EREG: variants seen among roughly 807,000 people sequenced by gnomAD.
EREG encodes the protein epiregulin.
In EREG, 23 loss-of-function variants were observed where a neutral mutation model predicts 22.4. That is an observed-to-expected ratio of 1.03 (90% CI 0.74 to 1.46). The LOEUF (loss-of-function observed/expected upper bound fraction) is 1.46, where lower values mean the gene tolerates loss of function less well. Among genes scored for constraint, EREG ranks in the 40% most tolerant of loss-of-function variants. The pLI is 0.00. For synonymous variants in EREG, 100 were observed against 75.4 expected (o/e 1.33, Z -1.69); for missense variants, 226 against 205.9 (o/e 1.10, Z -0.60).
At chr4:74,373,704 A>G (rs1040146977) in intron 1 of EREG, among the ~76,000 whole-genome samples, 2 of 148,278 alleles carry the variant, frequency 1.3e-5, no homozygotes, top group Non-Finnish European at 3.0e-5. Flanking sequence ...TTATAAGTAT[A>G]TATGTATGTA....
At chr4:74,383,657 A>AC (rs1438068698) in intron 4 of EREG, among the ~76,000 whole-genome samples, 2 of 152,166 alleles carry the variant, frequency 1.3e-5, no homozygotes, top group Non-Finnish European at 2.9e-5. Flanking sequence ...GTTACAAATT[A>AC]CTCAAGGTGA....
intron 1 of EREG, among the ~76,000 whole-genome samples, chr4:74,365,665 C>CT (rs370338402): frequency 0.65 from 90,917 of 138,936 alleles, 30,511 homozygotes; most frequent in Admixed American, 0.73. Context: ...GTTGAAAAAG[C>CT]TTTTTTTTTT....
intron 4 of EREG, among the ~76,000 whole-genome samples, chr4:74,383,881 T>G (rs960202901): frequency 2.6e-5 from 4 of 152,174 alleles, no homozygotes; most frequent in Non-Finnish European, 5.9e-5. Flanking sequence ...CTTTCCTTTA[T>G]AGATGGGGCA....
At position 74,365,387 on chromosome 4, in the gene EREG, C is replaced by G; in HGVS notation, c.67+12C>G. 4.3e-6 allele frequency: 7 copies of G among 1,611,654 alleles called. No individual in the cohort carries two copies. The highest frequency in any genetic ancestry group is 5.9e-6 in the Non-Finnish European group (7 of 1,179,586). On this transcript the variant is annotated intron_variant, in intron 1 of 4. Transcript: ENST00000244869. ...GCTGCTCTGCCTGGGTAAGTTCTCC[C>G]CCTCTGGCTTCCGGCCGCCCCAAAG... is the stretch of plus-strand genomic sequence containing the variant.
chr4:74,368,574 C>T (rs1481192203), intron 1 of EREG, among the ~76,000 whole-genome samples: 1 of 152,096 alleles, frequency 6.6e-6, no homozygotes, highest in African/African-American at 2.4e-5. Context: ...AATAACAATA[C>T]TCATATAATC....
At chr4:74,378,069 C>T (rs902571821) in intron 1 of EREG, among the ~76,000 whole-genome samples, 2 of 152,174 alleles carry the variant, frequency 1.3e-5, no homozygotes, top group Admixed American at 6.5e-5. Context: ...CATTAATCAT[C>T]CTTTCATAAC....
In EREG at chr4:74,384,855, A is replaced by G. The variant is rs1476713755; in HGVS notation, c.*47A>G. 6.5e-6 allele frequency: 7 copies of G among 1,072,530 alleles called. No individual in the cohort carries two copies. The highest frequency in any genetic ancestry group is 1.0e-5 in the Non-Finnish European group (7 of 701,722). The allele number at this position is 1,072,530 out of a possible 1,614,324, so 66.4% of individuals were successfully genotyped here. ...GCAGGGATAACAGTGTGCCTGGTTA[A>G]TATTAATATTCCCATTTTATTAATA... is the stretch of plus-strand genomic sequence containing the variant. On this transcript the variant is annotated 3_prime_UTR_variant, in exon 5 of 5. Transcript: ENST00000244869.
intron 1 of EREG, among the ~76,000 whole-genome samples, chr4:74,373,449 T>C (rs1226809217): frequency 6.6e-6 from 1 of 151,732 alleles, no homozygotes; most frequent in African/African-American, 2.4e-5. Context: ...CCTGTTATAT[T>C]AACCTTGGGT....
rs867376757 is a variant in EREG, at chr4:74,384,853, T to G, written c.*45T>G. 1 of 1,073,638 alleles carries G rather than the reference T, an allele frequency of 9.3e-7. No homozygotes were observed. Among genetic ancestry groups the G allele is most frequent in the Middle Eastern group, 2.0e-4 (1 of 4,902 alleles). 66.5% of individuals were successfully genotyped at this position (1,073,638 alleles called of 1,614,324 possible). ...GGGCAGGGATAACAGTGTGCCTGGTTAATATTAATATTCCCATTTTATTAA... is the reference window on the plus strand; with the variant it reads ...GGGCAGGGATAACAGTGTGCCTGGTGAATATTAATATTCCCATTTTATTAA... On this transcript the variant is annotated 3_prime_UTR_variant, in exon 5 of 5. Transcript: ENST00000244869.
chr4:74,386,829 T>C lies in EREG; in HGVS notation c.*2021T>C, dbSNP rs1752577288. The stretch of plus-strand genomic sequence containing the variant: ...CTTTTTGAGATGGAGTCTCGCTCTG[T>C]TGCCCAGGTTGGAGTGCAGTGGCAC... On this transcript the variant is annotated 3_prime_UTR_variant, in exon 5 of 5. Coordinates refer to ENST00000244869, the MANE Select transcript of EREG (RefSeq NM_001432.3). 1 of 152,174 alleles carries C rather than the reference T, an allele frequency of 6.6e-6. No individual in the cohort carries two copies. The highest frequency in any genetic ancestry group is 1.5e-5 in the Non-Finnish European group (1 of 68,038). 9.4% of individuals were successfully genotyped at this position (152,174 alleles called of 1,614,324 possible). A position where few individuals can be genotyped will look rare whatever the true frequency, so the allele number is the denominator to read the frequency against.
intron 1 of EREG, among the ~76,000 whole-genome samples, chr4:74,370,345 A>G (rs60972393): frequency 0.075 from 11,438 of 152,214 alleles, 752 homozygotes; most frequent in African/African-American, 0.17. Context: ...CACAATTAAT[A>G]TTTGCTAGAT....
rs77044289 is a variant in EREG at position 74,386,244 on chromosome 4, T to C, written c.*1436T>C. The C allele has an allele frequency of 6.0e-3, 964 of 160,840 alleles. 12 individuals carry two copies. The highest frequency in any genetic ancestry group is 0.021 in the African/African-American group (897 of 41,998). The allele number at this position is 160,840 out of a possible 1,614,324, so 10.0% of individuals were successfully genotyped here. A position where few individuals can be genotyped will look rare whatever the true frequency, so the allele number is the denominator to read the frequency against. On this transcript the variant is annotated 3_prime_UTR_variant, in exon 5 of 5. Coordinates refer to ENST00000244869, the MANE Select transcript of EREG (RefSeq NM_001432.3). ...GGATCACATACCAGGTCAGGGAGGA[T>C]CTGTTCTTCCTCTACGTTTATCCTG... is the stretch of plus-strand genomic sequence containing the variant.
intron 1 of EREG, among the ~76,000 whole-genome samples, chr4:74,375,571 C>T (rs1335920306): frequency 3.3e-5 from 5 of 151,586 alleles, no homozygotes; most frequent in African/African-American, 9.7e-5. Flanking sequence ...CCTCGTGATC[C>T]GCACGCCTCG....
Position 74,379,099 on chromosome 4 carries a change from C to T in EREG, c.68-349C>T, listed in dbSNP as rs1426152432. 4.6e-5 allele frequency among the ~76,000 whole-genome samples: 7 copies of T among 152,280 alleles called. No homozygotes were observed. In the East Asian group the frequency reaches 1.4e-3, roughly 29 times the overall value. On this transcript the variant is annotated intron_variant, in intron 1 of 4. Transcript: ENST00000244869. Reference sequence around the variant, plus strand: ...TGATGGGGTCTGATTAGGAGCATTTCTCTGAACACATGATGGAATAAAACA... The same window carrying T: ...TGATGGGGTCTGATTAGGAGCATTTTTCTGAACACATGATGGAATAAAACA...
At chr4:74,379,669 C>T (rs1752441980) in intron 2 of EREG, 135 bp downstream of exon 2, 1 of 533,382 alleles carries the variant, frequency 1.9e-6, no homozygotes, top group Non-Finnish European at 3.4e-6. Context: ...TTTAAATCAC[C>T]ATATAAACTA....
intron 1 of EREG, among the ~76,000 whole-genome samples, chr4:74,370,557 C>T (rs1025934205): frequency 6.6e-6 from 1 of 152,020 alleles, no homozygotes; most frequent in Non-Finnish European, 1.5e-5. Context: ...CTCTCTTTCA[C>T]ATTTTTATCT....
At chr4:74,365,737 G>A (rs1263224371) in intron 1 of EREG, among the ~76,000 whole-genome samples, 5 of 142,816 alleles carry the variant, frequency 3.5e-5, no homozygotes, top group African/African-American at 1.3e-4. Flanking sequence ...AACATTTCAT[G>A]TCTTGTTCCT....
intron 1 of EREG, among the ~76,000 whole-genome samples, chr4:74,372,244 G>C (rs1450217043): frequency 6.6e-6 from 1 of 152,156 alleles, no homozygotes; most frequent in Non-Finnish European, 1.5e-5. Context: ...GAATTCCTTA[G>C]CAGCCTGCAG....
At chr4:74,367,266 G>A (rs1317959732) in intron 1 of EREG, among the ~76,000 whole-genome samples, 1 of 152,044 alleles carries the variant, frequency 6.6e-6, no homozygotes, top group Non-Finnish European at 1.5e-5. Flanking sequence ...TTATAAATTG[G>A]GGAACTGTGA....
Sources: allele counts gnomAD v4.1 joint callset (sites outside exome capture counted in the v4.1 genomes callset), GRCh38; gene constraint gnomAD v4.1.1; transcripts MANE v1.5; gene names NCBI Gene and HGNC (gene_info 2026-07-23, HGNC 2026-07-21).